Variants in TRNT1 observed in about 807,000 individuals in gnomAD.
The protein encoded by TRNT1 is tRNA nucleotidyl transferase 1.
A neutral mutation model predicts 45.6 loss-of-function variants in TRNT1; 44 were observed. The observed-to-expected ratio is 0.97, with a 90% CI of 0.76 to 1.24. TRNT1 has a LOEUF of 1.24. Ranked by LOEUF, TRNT1 falls within the 50% of genes most tolerant of loss-of-function variation. The pLI is 0.00. For synonymous variants in TRNT1, 201 were observed against 171.4 expected (o/e 1.17, Z -1.35); for missense variants, 633 against 504.4 (o/e 1.25, Z -2.44).
chr3:3,146,446 G>A lies in TRNT1; in HGVS notation c.625G>A (p.Val209Ile). 1 of 1,611,448 alleles carries A rather than the reference G, an allele frequency of 6.2e-7. No individual in the cohort carries two copies. The highest frequency in any genetic ancestry group is 8.5e-7 in the Non-Finnish European group (1 of 1,179,208). Residue 209 changes from valine to isoleucine, a missense_variant, in exon 6 of 8, where the codon GTA becomes ATA. Coordinates refer to ENST00000251607, the MANE Select transcript of TRNT1 (RefSeq NM_182916.3). ...LRYFRFYGRI[V>I]DKPGDHDPET... Reference sequence around the variant, plus strand: ...GTCTTGTAGGTTTTATGGGAGAATTGTAGACAAACCTGGTGACCATGATCC... The same window carrying A: ...GTCTTGTAGGTTTTATGGGAGAATTATAGACAAACCTGGTGACCATGATCC...
At chr3:3,134,167 A>C (rs1403700781) in intron 2 of TRNT1, among the ~76,000 whole-genome samples, 1 of 152,186 alleles carries the variant, frequency 6.6e-6, no homozygotes, top group African/African-American at 2.4e-5. Context: ...ATTTCATTGA[A>C]TGTAGCTCGC....
Position 3,148,778 on chromosome 3 carries a change from ATTAAC to A in TRNT1, c.*627_*631del, listed in dbSNP as rs1354240835. On this transcript the variant is annotated 3_prime_UTR_variant, in exon 8 of 8. Coordinates refer to ENST00000251607, the MANE Select transcript of TRNT1 (RefSeq NM_182916.3). ...ATGCAGAGCCTGGGGAAGTCATGGG[ATTAAC>A]TTGAGGGTCACTATTGAGCCTATTA... is the stretch of plus-strand genomic sequence containing the variant. 7 of 151,410 alleles carry A rather than the reference ATTAAC, an allele frequency of 4.6e-5. No individual in the cohort carries two copies. 9.4% of individuals were successfully genotyped at this position (151,410 alleles called of 1,614,324 possible).
rs1482187104 is a variant in TRNT1, at chr3:3,144,457, ATG to A, written c.482-123_482-122del. 32 of 846,958 alleles carry A rather than the reference ATG, an allele frequency of 3.8e-5. No individual in the cohort carries two copies. The Admixed American group carries it at 5.2e-4, about 14-fold the overall frequency. The allele number at this position is 846,958 out of a possible 1,614,324, so 52.5% of individuals were successfully genotyped here. A position where few individuals can be genotyped will look rare whatever the true frequency, so the allele number is the denominator to read the frequency against. On this transcript the variant is annotated intron_variant, in intron 4 of 7. Transcript: ENST00000251607. ...TGATAGTTGATATGTATGAATACGT[ATG>A]TGTTTTAATAACTGTTCACTCTGCT...
chr3:3,141,610 G>A (rs977115111), intron 4 of TRNT1, among the ~76,000 whole-genome samples: 7 of 152,110 alleles, frequency 4.6e-5, no homozygotes, highest in Admixed American at 2.6e-4. Flanking sequence ...GGCTAGATAC[G>A]AATTAGGTTA....
intron 2 of TRNT1, among the ~76,000 whole-genome samples, chr3:3,130,863 C>G (rs1387918954): frequency 6.6e-6 from 1 of 152,010 alleles, no homozygotes; most frequent in African/African-American, 2.4e-5. Context: ...GGGTGGATCA[C>G]TTGAGCCCAG....
At chr3:3,129,522 G>C (rs1704865774) in intron 2 of TRNT1, 1 of 399,872 alleles carries the variant, frequency 2.5e-6, no homozygotes, top group Non-Finnish European at 4.6e-6. Context: ...AGGAGTTTGA[G>C]GCTGCAGTGA....
intron 2 of TRNT1, chr3:3,130,076 A>C: frequency 3.7e-4 from 393 of 1,076,260 alleles, no homozygotes; most frequent in Non-Finnish European, 4.9e-4. Context: ...GTTGATTCTC[A>C]ATGTTGTCTG....
chr3:3,148,789 G>A lies in TRNT1; in HGVS notation c.*635G>A, dbSNP rs1706244182. ...GGGGAAGTCATGGGATTAACTTGAGGGTCACTATTGAGCCTATTAATTAAT... is the reference window on the plus strand; with the variant it reads ...GGGGAAGTCATGGGATTAACTTGAGAGTCACTATTGAGCCTATTAATTAAT... On this transcript the variant is annotated 3_prime_UTR_variant, in exon 8 of 8. Transcript: ENST00000251607. The A allele has an allele frequency of 1.4e-5, 2 of 146,296 alleles. No individual in the cohort carries two copies. The highest frequency in any genetic ancestry group is 4.9e-5 in the African/African-American group (2 of 40,452). 9.1% of individuals were successfully genotyped at this position (146,296 alleles called of 1,614,324 possible).
downstream of TRNT1, chr3:3,152,903 G>A (rs1518950): frequency 0.96 from 365,395 of 381,960 alleles, 176,781 homozygotes; most frequent in East Asian, 1. Context: ...GTCTGAGAGT[G>A]TAAGTGCAAT....
In TRNT1 at chr3:3,148,433, TA is replaced by T. The variant is rs369264199; in HGVS notation, c.*287del. 5.2e-3 allele frequency: 1,273 copies of T among 245,788 alleles called. 18 individuals carry two copies. The highest frequency in any genetic ancestry group is 0.026 in the African/African-American group (1,143 of 44,354). 15.2% of individuals were successfully genotyped at this position (245,788 alleles called of 1,614,324 possible). ...ATCTATCTTAACCTGTTCAGGCTTTTAAAAAAAACTGTTTTTGCATAGGGTA... is the reference window on the plus strand; with the variant it reads ...ATCTATCTTAACCTGTTCAGGCTTTTAAAAAAACTGTTTTTGCATAGGGTA... On this transcript the variant is annotated 3_prime_UTR_variant, in exon 8 of 8. Transcript: ENST00000251607.
At chr3:3,150,650 T>C, downstream of TRNT1, 2 of 494,034 alleles carry the variant, frequency 4.0e-6, no homozygotes, top group South Asian at 4.3e-5. Flanking sequence ...TAGATGTTTC[T>C]GGTATTCTAG....
rs1311818976 is a variant in TRNT1, at chr3:3,147,550, A to C, written c.903A>C (p.Lys301Asn). Reference protein sequence around the residue: ...KPVTLLASLFKVQDDVTKLDL... With the variant: ...KPVTLLASLFNVQDDVTKLDL... ...TGACTCTTTTGGCCTCATTATTCAA[A>C]GTACAAGATGATGTCACAAAATTGG... is the stretch of plus-strand genomic sequence containing the variant. Residue 301 changes from lysine to asparagine, a missense_variant, in exon 7 of 8, where the codon AAA (lysine) becomes AAC (asparagine). Coordinates refer to ENST00000251607, the MANE Select transcript of TRNT1 (RefSeq NM_182916.3). 6.8e-6 allele frequency: 11 copies of C among 1,613,894 alleles called. No individual in the cohort carries two copies. Among genetic ancestry groups the C allele is most frequent in the Non-Finnish European group, 7.6e-6 (9 of 1,179,904 alleles).
At chr3:3,146,042 C>T (rs1705997522) in intron 5 of TRNT1, among the ~76,000 whole-genome samples, 1 of 150,154 alleles carries the variant, frequency 6.7e-6, no homozygotes, top group Admixed American at 6.8e-5. Context: ...TAAGGCACTG[C>T]AGTCTTGTTT....
At chr3:3,130,397 C>T (rs1449339310) in intron 2 of TRNT1, 1 of 162,172 alleles carries the variant, frequency 6.2e-6, no homozygotes, top group Non-Finnish European at 1.4e-5. Context: ...ATTCTCAAAG[C>T]TACTTTCCCA....
intron 2 of TRNT1, chr3:3,136,641 T>G: frequency 2.3e-6 from 1 of 430,052 alleles, no homozygotes; most frequent in East Asian, 7.0e-5. Flanking sequence ...ATTGTTTGAT[T>G]TACTTTCTTT....
At chr3:3,137,159 GC>G (rs1705376684) in intron 2 of TRNT1, 100 bp from the exon 3 acceptor site, 36 of 915,806 alleles carry the variant, frequency 3.9e-5, no homozygotes, top group Non-Finnish European at 5.1e-5. Context: ...ATGAATCTCT[GC>G]TGTTCCAACT....
chr3:3,141,622 T>A (rs1295749144), intron 4 of TRNT1, among the ~76,000 whole-genome samples: 3 of 152,238 alleles, frequency 2.0e-5, no homozygotes, highest in Non-Finnish European at 4.4e-5. Flanking sequence ...ATTAGGTTAG[T>A]GTTTTGATAC....
intron 3 of TRNT1, among the ~76,000 whole-genome samples, chr3:3,139,531 T>C (rs1380940212): frequency 6.6e-6 from 1 of 152,210 alleles, no homozygotes; most frequent in African/African-American, 2.4e-5. Flanking sequence ...ACTTTCTCTT[T>C]TACATATATT....
chr3:3,130,534 G>C (rs1013174767), intron 2 of TRNT1: 9 of 152,574 alleles, frequency 5.9e-5, no homozygotes, highest in South Asian at 2.1e-4. Flanking sequence ...TGGTTTTGCC[G>C]ATGCTTCACT....
Sources: gnomAD v4.1 joint callset for allele counts (sites outside exome capture counted in the v4.1 genomes callset) on GRCh38, gnomAD v4.1.1 for gene constraint, MANE v1.5 for transcripts, NCBI Gene and HGNC (gene_info 2026-07-23, HGNC 2026-07-21) for gene names.